B3GALT5: variants seen among roughly 807,000 people sequenced by gnomAD.
B3GALT5 encodes beta-1,3-galactosyltransferase 5, also known as UDP-Gal:betaGlcNAc beta 1,3-galactosyltransferase, polypeptide 5.
For synonymous variants in B3GALT5, 156 were observed against 158.6 expected (o/e 0.98, Z 0.12); for missense variants, 328 against 396.6 (o/e 0.83, Z 1.47).
chr21:39,623,163 TTCTC>T lies in B3GALT5; in HGVS notation c.-392+10108_-392+10111del, dbSNP rs367888842. On this transcript the variant is annotated intron_variant, in intron 1 of 3. Transcript: ENST00000684187. The stretch of plus-strand genomic sequence containing the variant: ...CCTCCCTTCCTCCCTTTCTCTTTCT[TTCTC>T]TCTCTCTCTCTTTTCCATCCATCCC... Among the ~76,000 whole-genome samples the T allele has an allele frequency of 7.1e-3, 899 of 125,778 alleles. 22 individuals carry two copies. Among genetic ancestry groups the T allele is most frequent in the African/African-American group, 0.026 (833 of 32,636 alleles). The allele number at this position is 125,778 out of a possible 152,430, so 82.5% of individuals were successfully genotyped here. A position where few individuals can be genotyped will look rare whatever the true frequency, so the allele number is the denominator to read the frequency against.
chr21:39,660,937 C>T lies in B3GALT5; in HGVS notation c.378C>T (p.Asp126=), dbSNP rs769440753. 2.0e-4 allele frequency: 319 copies of T among 1,606,478 alleles called. No homozygotes were observed. Among genetic ancestry groups the T allele is most frequent in the East Asian group, 3.6e-4 (16 of 44,802 alleles). ...ACATTATCCAGAAGGATTTCCTAGA[C>T]GTCTATTACAATCTGACCCTGAAGA... ...HGDIIQKDFL[D]VYYNLTLKTM... Residue 126 remains aspartate, a synonymous_variant, in exon 4 of 4, where the codon GAC becomes GAT. Coordinates refer to ENST00000684187, the MANE Select transcript of B3GALT5 (RefSeq NM_001356336.2).
chr21:39,637,096 A>G (rs1471534771), intron 1 of B3GALT5, among the ~76,000 whole-genome samples: 1 of 152,216 alleles, frequency 6.6e-6, no homozygotes, highest in African/African-American at 2.4e-5. Context: ...GGCCGAGCAC[A>G]CGGGGCCAGC....
rs2079181490 is a variant in B3GALT5, at chr21:39,629,572, A to G, written c.-392+16505A>G. 2.6e-5 allele frequency among the ~76,000 whole-genome samples: 4 copies of G among 152,172 alleles called. No individual in the cohort carries two copies. In the South Asian group the frequency reaches 8.3e-4, roughly 31 times the overall value. Reference sequence around the variant, plus strand: ...TAACTTTTTAGAATTTGTTTTCTAAATTCTTTGAGAGCTTAGTCTTTTTCT... The same window carrying G: ...TAACTTTTTAGAATTTGTTTTCTAAGTTCTTTGAGAGCTTAGTCTTTTTCT... On this transcript the variant is annotated intron_variant, in intron 1 of 3. Coordinates refer to ENST00000684187, the MANE Select transcript of B3GALT5 (RefSeq NM_001356336.2).
chr21:39,629,447 AT>A (rs1339849043), intron 1 of B3GALT5, among the ~76,000 whole-genome samples: 1 of 152,198 alleles, frequency 6.6e-6, no homozygotes, highest in Non-Finnish European at 1.5e-5. Flanking sequence ...TGCATAGTGC[AT>A]ATTTATCAGT....
At position 39,662,409 on chromosome 21, in the gene B3GALT5, A is replaced by G. The variant is rs2146224460; in HGVS notation, c.*917A>G. The G allele has an allele frequency of 6.0e-6, 1 of 167,114 alleles. No individual in the cohort carries two copies. The highest frequency in any genetic ancestry group is 2.1e-4 in the South Asian group (1 of 4,822). 10.4% of individuals were successfully genotyped at this position (167,114 alleles called of 1,614,324 possible). A position where few individuals can be genotyped will look rare whatever the true frequency, so the allele number is the denominator to read the frequency against. On this transcript the variant is annotated 3_prime_UTR_variant, in exon 4 of 4. Transcript: ENST00000684187. ...GAGCACTTTAGGGCTCTCAGTTCAA[A>G]CTGAAGGACAGTTGAACTCAGATGG... is the stretch of plus-strand genomic sequence containing the variant.
chr21:39,613,342 G>A (rs567582553), intron 1 of B3GALT5, among the ~76,000 whole-genome samples: 34 of 152,338 alleles, frequency 2.2e-4, no homozygotes, highest in African/African-American at 6.5e-4. Context: ...TGTGTTCCTG[G>A]GTGGGCACGG....
At chr21:39,658,619 AAAGG>A (rs1368744506) in intron 2 of B3GALT5, among the ~76,000 whole-genome samples, 1 of 152,164 alleles carries the variant, frequency 6.6e-6, no homozygotes, top group Non-Finnish European at 1.5e-5. Context: ...AAAGAAAAGT[AAAGG>A]AAGGAAGGAG....
intron 1 of B3GALT5, among the ~76,000 whole-genome samples, chr21:39,634,424 A>G (rs568493049): frequency 6.6e-6 from 1 of 152,278 alleles, no homozygotes; most frequent in African/African-American, 2.4e-5. Context: ...ACTGTCTGCC[A>G]CACCTCTCGT....
In B3GALT5 at chr21:39,663,664, A is replaced by G. The variant is rs1051290540; in HGVS notation, c.*2172A>G. 2.0e-4 allele frequency: 30 copies of G among 152,148 alleles called. No homozygotes were observed. Among genetic ancestry groups the G allele is most frequent in the African/African-American group, 6.8e-4 (28 of 41,422 alleles). The allele number at this position is 152,148 out of a possible 1,614,324, so 9.4% of individuals were successfully genotyped here. A position where few individuals can be genotyped will look rare whatever the true frequency, so the allele number is the denominator to read the frequency against. On this transcript the variant is annotated 3_prime_UTR_variant, in exon 4 of 4. Transcript: ENST00000684187. The stretch of plus-strand genomic sequence containing the variant: ...AATAATTCTTTTTCTTGAGGAAAAA[A>G]CATTATTTCATGAATCTAGAACTTG...
In B3GALT5 at chr21:39,660,756, C is replaced by G. The variant is rs547300691; in HGVS notation, c.197C>G (p.Ser66Cys). The change falls in exon 4 of 4, where the codon TCC becomes TGC. Residue 66 changes from serine to cysteine, a missense_variant. Transcript: ENST00000684187. Reference protein sequence around the residue: ...PPFLVLLVTSSHKQLAERMAI... With the variant: ...PPFLVLLVTSCHKQLAERMAI... ...TTCCTCGTCCTGCTGGTGACCTCAT[C>G]CCACAAACAGTTGGCTGAGCGCATG... 6.4e-7 allele frequency: 1 copy of G among 1,552,388 alleles called. No homozygotes were observed. The highest frequency in any genetic ancestry group is 1.9e-5 in the Admixed American group (1 of 51,352).
rs2079520315 is a variant in B3GALT5, at chr21:39,661,328, T to C, written c.769T>C (p.Leu257=). 7 of 1,613,832 alleles carry C rather than the reference T, an allele frequency of 4.3e-6. No homozygotes were observed. Among genetic ancestry groups the C allele is most frequent in the African/African-American group, 2.7e-5 (2 of 74,916 alleles). ...CTGCCTCGAAAGGCTGAACATCAGA[T>C]TGGAGGAGCTCCACTCCCAGCCGAC... ...GLCLERLNIR[L]EELHSQPTFF... is the part of the protein sequence containing the mutation. The change falls in exon 4 of 4, where the codon TTG becomes CTG. Residue 257 remains leucine, a synonymous_variant. Coordinates refer to ENST00000684187, the MANE Select transcript of B3GALT5 (RefSeq NM_001356336.2). This position sits in a 1 kb window ranked among gnomAD's most constrained non-coding sequence, Gnocchi z 4.7.
chr21:39,639,400 T>TTTTCTTACTTTCTTTC (rs2079265552), intron 1 of B3GALT5, among the ~76,000 whole-genome samples: 1 of 57,156 alleles, frequency 1.7e-5, no homozygotes, highest in African/African-American at 7.4e-5. Flanking sequence ...CCTTCTTTCT[T>TTTTCTTACTTTCTTTC]TTTCTTTCTT....
At chr21:39,659,674 C>G in intron 2 of B3GALT5, 79 bp from the exon 3 acceptor site, 1 of 855,374 alleles carries the variant, frequency 1.2e-6, no homozygotes, top group South Asian at 5.4e-5. Flanking sequence ...GAAGGTGACG[C>G]TACAGACACG....
Position 39,661,057 on chromosome 21 carries a change from G to T in B3GALT5, c.498G>T (p.Leu166=), listed in dbSNP as rs759358783. ...ACATGTTCATCAATGTTGACTATCTGACTGAACTGCTTCTGAAGAAAAACA... is the reference window on the plus strand; with the variant it reads ...ACATGTTCATCAATGTTGACTATCTTACTGAACTGCTTCTGAAGAAAAACA... ...DSDMFINVDY[L]TELLLKKNRT... is the part of the protein sequence containing the mutation. Residue 166 remains leucine, a synonymous_variant, in exon 4 of 4, where the codon CTG becomes CTT. Transcript: ENST00000684187. This position sits in a 1 kb window ranked among gnomAD's most constrained non-coding sequence, Gnocchi z 4.7. 7 of 1,614,086 alleles carry T rather than the reference G, an allele frequency of 4.3e-6. No homozygotes were observed. Among genetic ancestry groups the T allele is most frequent in the Non-Finnish European group, 5.9e-6 (7 of 1,180,044 alleles).
chr21:39,638,576 C>CTAA (rs1374921543), intron 1 of B3GALT5, among the ~76,000 whole-genome samples: 2 of 152,184 alleles, frequency 1.3e-5, no homozygotes, highest in Non-Finnish European at 2.9e-5. Context: ...CACATGTGAT[C>CTAA]TGATTCTTCA....
At chr21:39,630,487 T>TCAC (rs2079186240) in intron 1 of B3GALT5, 1 of 152,194 alleles carries the variant, frequency 6.6e-6, no homozygotes, top group African/African-American at 2.4e-5. Context: ...AATCAGTGAC[T>TCAC]TGGGTGAGTG....
At position 39,668,168 on chromosome 21, in the gene B3GALT5, G is replaced by A. The variant is rs1313335797; in HGVS notation, c.*6676G>A. ...ATAGATCCAGAGACCAAGGCTCCAT[G>A]TTATCCCCAGCACCGGGCTGACCCC... is the stretch of plus-strand genomic sequence containing the variant. On this transcript the variant is annotated 3_prime_UTR_variant, in exon 4 of 4. Transcript: ENST00000684187. The A allele has an allele frequency of 6.6e-6, 1 of 152,296 alleles. No individual in the cohort carries two copies. Among genetic ancestry groups the A allele is most frequent in the African/African-American group, 2.4e-5 (1 of 41,456 alleles). The allele number at this position is 152,296 out of a possible 1,614,324, so 9.4% of individuals were successfully genotyped here.
rs763079633 is a variant in B3GALT5 at position 39,660,814 on chromosome 21, G to A, written c.255G>A (p.Met85Ile). ...GGCAGACGTGGGGGAAAGAGAGGAT[G>A]GTGAAGGGAAAGCAGCTGAAGACAT... is the stretch of plus-strand genomic sequence containing the variant. Reference protein sequence around the residue: ...AIRQTWGKERMVKGKQLKTFF... With the variant: ...AIRQTWGKERIVKGKQLKTFF... Residue 85 changes from methionine (M) to isoleucine (I), a missense_variant, in exon 4 of 4, where the codon ATG becomes ATA. Transcript: ENST00000684187. 4.6e-5 allele frequency: 73 copies of A among 1,596,516 alleles called. No homozygotes were observed. In the Middle Eastern group the frequency reaches 6.7e-4, roughly 15 times the overall value.
intron 1 of B3GALT5, among the ~76,000 whole-genome samples, chr21:39,628,616 G>C (rs1335331365): frequency 6.6e-6 from 1 of 152,242 alleles, no homozygotes; most frequent in Non-Finnish European, 1.5e-5. Context: ...AACCATGTCA[G>C]TGCTGTGTCA....
Sources: allele counts gnomAD v4.1 joint callset (sites outside exome capture counted in the v4.1 genomes callset), GRCh38; gene constraint gnomAD v4.1.1; non-coding constraint Gnocchi (gnomAD v3.1); transcripts MANE v1.5; gene names NCBI Gene and HGNC (gene_info 2026-07-23, HGNC 2026-07-21).